SCMH1: variants seen among roughly 807,000 people sequenced by gnomAD.
SCMH1 encodes the protein Scm polycomb group protein homolog 1, also known as polycomb protein SCMH1.
SCMH1 carries 37 observed loss-of-function variants against 70.8 expected under a neutral mutation model. The observed-to-expected ratio is 0.52, with a 90% CI of 0.40 to 0.69. The LOEUF (loss-of-function observed/expected upper bound fraction) is 0.69. Among genes scored for constraint, SCMH1 ranks in the 30% least tolerant of loss-of-function variants. The probability of loss-of-function intolerance (pLI) is 0.00; values close to 1 mark genes in which losing one functional copy is unlikely to be tolerated. For missense variants in SCMH1, 607 were observed against 827.3 expected (o/e 0.73, Z 3.27); for synonymous variants, 292 against 307.4 (o/e 0.95, Z 0.52).
intron 8 of SCMH1, among the ~76,000 whole-genome samples, chr1:41,106,492 T>A (rs804660): frequency 6.6e-6 from 1 of 151,556 alleles, no homozygotes; most frequent in Non-Finnish European, 1.5e-5. Context: ...AATTAAACCT[T>A]TTTTCTTTAT....
intron 2 of SCMH1, among the ~76,000 whole-genome samples, chr1:41,181,595 G>A (rs11585254): frequency 0.25 from 37,744 of 152,050 alleles, 5,277 homozygotes; most frequent in Non-Finnish European, 0.31. Flanking sequence ...GACACATGAA[G>A]AAATGCTCAT....
intron 2 of SCMH1, among the ~76,000 whole-genome samples, chr1:41,174,374 G>C (rs1646979437): frequency 6.6e-6 from 1 of 151,078 alleles, no homozygotes; most frequent in South Asian, 2.1e-4. Context: ...TGATTCATCT[G>C]GACTATCAAG....
chr1:41,148,731 T>G (rs2148297854), intron 5 of SCMH1, among the ~76,000 whole-genome samples: 1 of 152,274 alleles, frequency 6.6e-6, no homozygotes, highest in African/African-American at 2.4e-5. Flanking sequence ...GTAGTTTTCT[T>G]CTATTATCTT....
chr1:41,228,295 G>C (rs1660649347), intron 1 of SCMH1, among the ~76,000 whole-genome samples: 1 of 152,122 alleles, frequency 6.6e-6, no homozygotes, highest in Non-Finnish European at 1.5e-5. Flanking sequence ...TTAATGGATA[G>C]AGTTTCAGTT....
chr1:41,174,892 C>A (rs946417231), intron 2 of SCMH1, among the ~76,000 whole-genome samples: 1 of 152,128 alleles, frequency 6.6e-6, no homozygotes, highest in Non-Finnish European at 1.5e-5. Flanking sequence ...GAACTTCACT[C>A]CCCTGGGGAA....
intron 6 of SCMH1, among the ~76,000 whole-genome samples, chr1:41,126,811 T>G (rs1336543025): frequency 6.6e-6 from 1 of 152,184 alleles, no homozygotes; most frequent in Non-Finnish European, 1.5e-5. Context: ...CTCTTAATGT[T>G]GCAAAAAAAT....
intron 1 of SCMH1, among the ~76,000 whole-genome samples, chr1:41,230,360 A>G (rs1226596540): frequency 2.6e-5 from 4 of 152,186 alleles, no homozygotes; most frequent in Non-Finnish European, 5.9e-5. Flanking sequence ...CTAAAAATGG[A>G]GAAAAGATAA....
At chr1:41,058,815 G>C (rs1306556247) in intron 10 of SCMH1, among the ~76,000 whole-genome samples, 1 of 152,172 alleles carries the variant, frequency 6.6e-6, no homozygotes, top group Non-Finnish European at 1.5e-5. Flanking sequence ...CAAAAATGGG[G>C]TAAAGTAAAA....
intron 10 of SCMH1, among the ~76,000 whole-genome samples, chr1:41,058,526 G>A (rs1027590373): frequency 5.9e-5 from 9 of 151,852 alleles, no homozygotes; most frequent in African/African-American, 1.7e-4. Flanking sequence ...GACTACAGGT[G>A]CATGCCACCA....
At chr1:41,097,986 C>T (rs1308860348) in intron 8 of SCMH1, among the ~76,000 whole-genome samples, 1 of 152,210 alleles carries the variant, frequency 6.6e-6, no homozygotes, top group East Asian at 1.9e-4. Flanking sequence ...TGGTGCCTTG[C>T]ATGTTAGCCC....
intron 1 of SCMH1, among the ~76,000 whole-genome samples, chr1:41,236,936 C>T (rs563796068): frequency 2.0e-5 from 3 of 152,312 alleles, no homozygotes; most frequent in East Asian, 1.9e-4. Context: ...TAGCAGTTTA[C>T]GGTGGCTAGA....
intron 6 of SCMH1, among the ~76,000 whole-genome samples, chr1:41,120,263 C>A (rs553917364): frequency 1.3e-4 from 20 of 152,244 alleles, no homozygotes; most frequent in African/African-American, 4.3e-4. Context: ...ATCCTCTCAG[C>A]TTTGGAAATC....
chr1:41,239,942 T>G lies in SCMH1; in HGVS notation c.-118+2117A>C, dbSNP rs150355196. ...GAGCCCCTGCATCCAGCCCTAAGTT[T>G]AAATTTTCAGTGGGATATTCACATC... On this transcript the variant is annotated intron_variant, in intron 1 of 14. Coordinates refer to ENST00000337495, the Ensembl canonical transcript of SCMH1. Among the ~76,000 whole-genome samples, 1,106 of 152,306 alleles carry G rather than the reference T, an allele frequency of 7.3e-3. 17 individuals are homozygous for G. Among genetic ancestry groups the G allele is most frequent in the African/African-American group, 0.025 (1,047 of 41,560 alleles).
chr1:41,186,042 G>A (rs563371256), intron 2 of SCMH1, 79 bp downstream of exon 2: 28 of 1,477,922 alleles, frequency 1.9e-5, no homozygotes, highest in Admixed American at 1.2e-4. Flanking sequence ...CTAATTATTC[G>A]TGAGGAATTC....
At chr1:41,046,588 G>T (rs144177539) in exon 12 of SCMH1, 3 of 1,614,084 alleles carry the variant, frequency 1.9e-6, no homozygotes, top group Non-Finnish European at 2.5e-6. Context: ...GCTGTTCCCG[G>T]TCAAACACGG....
intron 2 of SCMH1, among the ~76,000 whole-genome samples, chr1:41,164,577 T>C (rs1389937709): frequency 4.6e-5 from 7 of 152,216 alleles, no homozygotes; most frequent in Non-Finnish European, 1.5e-5. Context: ...ATTAAATGTC[T>C]GGTGAATAAA....
At chr1:41,185,981 G>T (rs1650096777) in intron 2 of SCMH1, 140 bp downstream of exon 2, 3 of 809,466 alleles carry the variant, frequency 3.7e-6, no homozygotes. Flanking sequence ...GAAAATTCAT[G>T]CCAATGACAA....
intron 5 of SCMH1, among the ~76,000 whole-genome samples, chr1:41,145,173 CTA>C (rs754690703): frequency 6.6e-6 from 1 of 152,028 alleles, no homozygotes; most frequent in African/African-American, 2.4e-5. Context: ...AGATTTCCTT[CTA>C]TGTTTTCTTT....
chr1:41,233,966 T>C (rs1483195503), intron 1 of SCMH1, among the ~76,000 whole-genome samples: 1 of 152,222 alleles, frequency 6.6e-6, no homozygotes, highest in Non-Finnish European at 1.5e-5. Flanking sequence ...GTAAGTACTA[T>C]AAAGGTATGT....
Sources: allele counts gnomAD v4.1 joint callset (sites outside exome capture counted in the v4.1 genomes callset), GRCh38; gene constraint gnomAD v4.1.1; transcripts MANE v1.5; gene names NCBI Gene and HGNC (gene_info 2026-07-23, HGNC 2026-07-21).